The following ZSCAN25 variants were observed in gnomAD, a reference collection of about 807,000 sequenced individuals.
The protein encoded by ZSCAN25 is zinc finger and SCAN domain-containing protein 25.
A neutral mutation model predicts 38.7 loss-of-function variants in ZSCAN25; 27 were observed. The observed-to-expected ratio is 0.70, with a 90% CI of 0.51 to 0.96. The LOEUF (loss-of-function observed/expected upper bound fraction) is 0.96. Ranked by LOEUF, ZSCAN25 falls within the 40% of genes least tolerant of loss-of-function variation. The probability of loss-of-function intolerance (pLI) is 0.00; values close to 1 mark genes in which losing one functional copy is unlikely to be tolerated. For missense variants in ZSCAN25, 637 were observed against 705.9 expected (o/e 0.90, Z 1.11); for synonymous variants, 273 against 277.7 (o/e 0.98, Z 0.17).
At chr7:99,618,164 C>G (rs544610612) in intron 1 of ZSCAN25, 1 of 152,332 alleles carries the variant, frequency 6.6e-6, no homozygotes, top group South Asian at 2.1e-4. Context: ...TTTGGACTTC[C>G]AAGTCTGTCT....
the ZSCAN25 span, among the ~76,000 whole-genome samples, chr7:99,689,633 A>T: frequency 1.3e-5 from 2 of 152,198 alleles, no homozygotes; most frequent in Non-Finnish European, 2.9e-5. Context: ...ATGTACAAAA[A>T]TCACAAGCAT....
the ZSCAN25 span, chr7:99,709,166 C>G: frequency 2.5e-6 from 4 of 1,614,008 alleles, no homozygotes; most frequent in Non-Finnish European, 3.4e-6. Flanking sequence ...TGCAGACCCT[C>G]TCAAGTCTCA....
chr7:99,706,588 A>G, the ZSCAN25 span, among the ~76,000 whole-genome samples: 1 of 152,240 alleles, frequency 6.6e-6, no homozygotes, highest in Non-Finnish European at 1.5e-5. Context: ...AATCAATGAC[A>G]TCTGTTCTTT....
chr7:99,688,422 A>G, the ZSCAN25 span, among the ~76,000 whole-genome samples: 1 of 152,202 alleles, frequency 6.6e-6, no homozygotes, highest in Non-Finnish European at 1.5e-5. Flanking sequence ...AAAGAGACAA[A>G]GAAGGCCATT....
chr7:99,648,878 A>G, the ZSCAN25 span, among the ~76,000 whole-genome samples: 1 of 152,092 alleles, frequency 6.6e-6, no homozygotes, highest in Non-Finnish European at 1.5e-5. Context: ...TCCCAGTTGA[A>G]CCCATCAAGT....
At chr7:99,647,644 G>A in the ZSCAN25 span, 4,623 of 985,392 alleles carry the variant, frequency 4.7e-3, 54 homozygotes, top group African/African-American at 0.042. Flanking sequence ...TTCAAAGAAG[G>A]CAGAATGAAA....
At position 99,631,335 on chromosome 7, in the gene ZSCAN25, A is replaced by G. The variant is rs548926339; in HGVS notation, c.*1315A>G. On this transcript the variant is annotated 3_prime_UTR_variant, in exon 8 of 8. Coordinates refer to ENST00000394152, the MANE Select transcript of ZSCAN25 (RefSeq NM_145115.3). ...GCATGAGTGCCAAGTCAGGAAAAAT[A>G]AAGATATTTGTAGGCATTAAAAAAA... 2.3e-4 allele frequency: 223 copies of G among 985,272 alleles called. 3 individuals carry two copies. The South Asian group carries it at 9.6e-3, about 42-fold the overall frequency. The allele number at this position is 985,272 out of a possible 1,614,324, so 61.0% of individuals were successfully genotyped here.
Position 99,629,059 on chromosome 7 carries a change from C to T in ZSCAN25, c.806-132C>T, listed in dbSNP as rs971076433. The T allele has an allele frequency of 2.8e-5, 36 of 1,269,842 alleles. No homozygotes were observed. In the Middle Eastern group the frequency reaches 6.4e-4, roughly 22 times the overall value. 78.7% of individuals were successfully genotyped at this position (1,269,842 alleles called of 1,614,324 possible). On this transcript the variant is annotated intron_variant, in intron 7 of 7. Transcript: ENST00000394152. This position sits in a 1 kb window ranked among gnomAD's most constrained non-coding sequence, Gnocchi z 5.6. ...AATAAGGAAAAAGAAGTAAGGAAAGCCTGAGTTGAGGTTGTTGGTCAAAGG... is the reference window on the plus strand; with the variant it reads ...AATAAGGAAAAAGAAGTAAGGAAAGTCTGAGTTGAGGTTGTTGGTCAAAGG...
At chr7:99,620,092 G>A in intron 4 of ZSCAN25, 99 bp downstream of exon 4, 1 of 1,434,676 alleles carries the variant, frequency 7.0e-7, no homozygotes, top group South Asian at 1.5e-5. Context: ...GACGAGGTGT[G>A]GAGCCGCCCT....
At chr7:99,679,024 T>G in the ZSCAN25 span, among the ~76,000 whole-genome samples, 1 of 152,340 alleles carries the variant, frequency 6.6e-6, no homozygotes, top group East Asian at 1.9e-4. Context: ...GCTCCTGCCT[T>G]TTCAGGCTGC....
the ZSCAN25 span, among the ~76,000 whole-genome samples, chr7:99,689,738 A>G: frequency 1.3e-5 from 2 of 152,230 alleles, no homozygotes; most frequent in Admixed American, 6.5e-5. Flanking sequence ...AATCCACCTT[A>G]CAAGGGATGT....
rs1345794105 is a variant in ZSCAN25, at chr7:99,630,852, A to T, written c.*832A>T. On this transcript the variant is annotated 3_prime_UTR_variant, in exon 8 of 8. Coordinates refer to ENST00000394152, the MANE Select transcript of ZSCAN25 (RefSeq NM_145115.3). ...CACTGAATAAACATCAGAGTATTTT[A>T]AAAAACAGTTCTCTAGAAAGAACTG... 6.1e-6 allele frequency: 6 copies of T among 984,718 alleles called. No homozygotes were observed. The highest frequency in any genetic ancestry group is 7.2e-6 in the Non-Finnish European group (6 of 829,360). The allele number at this position is 984,718 out of a possible 1,614,324, so 61.0% of individuals were successfully genotyped here. A position where few individuals can be genotyped will look rare whatever the true frequency, so the allele number is the denominator to read the frequency against.
chr7:99,707,817 T>C, the ZSCAN25 span: 9 of 1,613,876 alleles, frequency 5.6e-6, no homozygotes, highest in Non-Finnish European at 7.6e-6. Flanking sequence ...CTGACCTGTG[T>C]TTCTTTACAA....
the ZSCAN25 span, among the ~76,000 whole-genome samples, chr7:99,639,347 A>G: frequency 6.6e-6 from 1 of 152,212 alleles, no homozygotes; most frequent in African/African-American, 2.4e-5. Context: ...GAGTTTTACT[A>G]GAGATCACTT....
the ZSCAN25 span, chr7:99,731,131 T>C: frequency 1.9e-6 from 3 of 1,613,842 alleles, no homozygotes; most frequent in Non-Finnish European, 2.5e-6. Flanking sequence ...TCTTAAAAAG[T>C]CCATGTGTAC....
chr7:99,630,101 A>G lies in ZSCAN25; in HGVS notation c.*81A>G. The G allele has an allele frequency of 6.9e-7, 1 of 1,445,614 alleles. No homozygotes were observed. Among genetic ancestry groups the G allele is most frequent in the East Asian group, 2.5e-5 (1 of 40,050 alleles). 89.5% of individuals were successfully genotyped at this position (1,445,614 alleles called of 1,614,324 possible). On this transcript the variant is annotated 3_prime_UTR_variant, in exon 8 of 8. Coordinates refer to ENST00000394152, the MANE Select transcript of ZSCAN25 (RefSeq NM_145115.3). ...GGGGTGCAAGGTGATGGCTGCAGGAAAGCACTGGTCCCATCGCCTTCCCAC... is the reference window on the plus strand; with the variant it reads ...GGGGTGCAAGGTGATGGCTGCAGGAGAGCACTGGTCCCATCGCCTTCCCAC...
At chr7:99,651,891 C>T in the ZSCAN25 span, among the ~76,000 whole-genome samples, 1 of 152,096 alleles carries the variant, frequency 6.6e-6, no homozygotes, top group Non-Finnish European at 1.5e-5. Context: ...ACAGATAGGA[C>T]CAGGAGGACC....
chr7:99,619,910 A>G lies in ZSCAN25; in HGVS notation c.304A>G (p.Ile102Val). ...TILPREFYAWIREHGPESGKA... is the reference protein window; with the variant it reads ...TILPREFYAWVREHGPESGKA... ...CCTGCCCCGCGAGTTCTACGCCTGG[A>G]TCCGGGAGCATGGCCCAGAGAGTGG... The change falls in exon 4 of 8, where the codon ATC becomes GTC. Residue 102 changes from isoleucine (I) to valine (V), a missense_variant. Transcript: ENST00000394152. The G allele has an allele frequency of 6.2e-7, 1 of 1,614,206 alleles. No homozygotes were observed. The highest frequency in any genetic ancestry group is 8.5e-7 in the Non-Finnish European group (1 of 1,180,048).
the ZSCAN25 span, chr7:99,666,799 G>T: frequency 6.3e-7 from 1 of 1,593,738 alleles, no homozygotes; most frequent in Non-Finnish European, 8.6e-7. Flanking sequence ...AATGAATTTT[G>T]TGATGTCTTT....
Sources: gnomAD v4.1 joint callset for allele counts (sites outside exome capture counted in the v4.1 genomes callset) on GRCh38, gnomAD v4.1.1 for gene constraint, Gnocchi (gnomAD v3.1) non-coding constraint, MANE v1.5 for transcripts, NCBI Gene and HGNC (gene_info 2026-07-23, HGNC 2026-07-21) for gene names.